CHM: variants seen among roughly 807,000 people sequenced by gnomAD.
CHM encodes rab proteins geranylgeranyltransferase component A 1.
A neutral mutation model predicts 49.0 loss-of-function variants in CHM; 10 were observed. The observed-to-expected ratio is 0.20, with a 90% confidence interval of 0.13 to 0.35. CHM has a LOEUF of 0.35. Among genes scored for constraint, CHM ranks in the 10% least tolerant of loss-of-function variants. The pLI is 1.00. For synonymous variants in CHM, 184 were observed against 167.5 expected (o/e 1.10, Z -0.76); for missense variants, 455 against 478.4 (o/e 0.95, Z 0.46).
At chrX:85,959,321 C>T (rs1217222145) in intron 5 of CHM, among the ~76,000 whole-genome samples, 1 of 111,421 alleles carries the variant, frequency 9.0e-6, no homozygotes, top group Non-Finnish European at 1.9e-5. Context: ...TCAGACCCTG[C>T]TAATAATTTA....
chrX:85,907,872 G>C (rs1297820613), intron 9 of CHM, among the ~76,000 whole-genome samples: 1 of 111,585 alleles, frequency 9.0e-6, no homozygotes, highest in Non-Finnish European at 1.9e-5. Context: ...AACCTGCCTT[G>C]GTTCTGGAGA....
At chrX:86,038,754 A>G (rs1934341060) in intron 1 of CHM, among the ~76,000 whole-genome samples, 1 of 111,880 alleles carries the variant, frequency 8.9e-6, no homozygotes, top group African/African-American at 3.3e-5. Flanking sequence ...ACCTTCATCA[A>G]AAGAAGGTTT....
At chrX:85,928,610 C>A (rs5967649) in intron 8 of CHM, among the ~76,000 whole-genome samples, 21,511 of 111,577 alleles carry the variant, frequency 0.19, 1,662 homozygotes, top group Non-Finnish European at 0.25. Flanking sequence ...AAACTGAAAA[C>A]ATAAAAGAAT....
At chrX:85,947,134 G>A (rs779849314) in intron 8 of CHM, among the ~76,000 whole-genome samples, 1 of 112,340 alleles carries the variant, frequency 8.9e-6, no homozygotes, top group African/African-American at 3.2e-5. Context: ...GTTAATGCTG[G>A]AATGAGTTAA....
At chrX:85,897,040 CAT>C (rs1364920763) in intron 11 of CHM, among the ~76,000 whole-genome samples, 5 of 90,633 alleles carry the variant, frequency 5.5e-5, no homozygotes, top group East Asian at 3.2e-4. Context: ...TATATAATAA[CAT>C]AATATATAAT....
intron 14 of CHM, among the ~76,000 whole-genome samples, chrX:85,871,304 C>CAAAAAAAAAAAAAAAAAAAA (rs150005971): frequency 1.6e-5 from 1 of 62,069 alleles, no homozygotes; most frequent in African/African-American, 7.0e-5. Flanking sequence ...AAGACTGTCT[C>CAAAAAAAAAAAAAAAAAAAA]AAAAAAAAAA....
intron 2 of CHM, among the ~76,000 whole-genome samples, chrX:85,997,264 C>T (rs188738463): frequency 3.2e-4 from 36 of 111,322 alleles, no homozygotes; most frequent in Admixed American, 2.4e-3. Flanking sequence ...TTTTGCCTTT[C>T]ATAGTACAGT....
At chrX:85,998,205 A>G (rs1004276684) in intron 2 of CHM, among the ~76,000 whole-genome samples, 9 of 111,890 alleles carry the variant, frequency 8.0e-5, no homozygotes, top group African/African-American at 2.9e-4. Flanking sequence ...TTACTAAATA[A>G]TATTCTCAAA....
At chrX:85,983,127 T>A (rs754714823) in intron 2 of CHM, among the ~76,000 whole-genome samples, 1 of 111,300 alleles carries the variant, frequency 9.0e-6, no homozygotes, top group African/African-American at 3.3e-5. Context: ...ACCAAACAAA[T>A]ACTGCTTTTC....
In CHM at chrX:85,872,922, T is replaced by C. The variant is rs1041725471; in HGVS notation, c.1770+130A>G. The C allele has an allele frequency of 8.3e-5, 48 of 577,384 alleles. 1 individual carries two copies. Among genetic ancestry groups the C allele is most frequent in the Non-Finnish European group, 1.2e-4 (44 of 368,657 alleles). The allele number at this position is 577,384 out of a possible 1,213,427, so 47.6% of individuals were successfully genotyped here. The stretch of plus-strand genomic sequence containing the variant: ...TAGCTTTGTAGGTCATAGAAAAAAC[T>C]TTTAGGGCAAATTACAGAAATGGTA... On this transcript the variant is annotated intron_variant, in intron 14 of 14. Transcript: ENST00000357749.
At chrX:86,041,751 T>C (rs79270980) in intron 1 of CHM, among the ~76,000 whole-genome samples, 3 of 75,703 alleles carry the variant, frequency 4.0e-5, no homozygotes, top group African/African-American at 9.1e-5. Context: ...TATATATATA[T>C]ATATATACAT....
intron 2 of CHM, among the ~76,000 whole-genome samples, chrX:85,997,001 C>T (rs1476613391): frequency 1.8e-5 from 2 of 111,927 alleles, no homozygotes; most frequent in African/African-American, 3.3e-5. Context: ...ATACTGAAGC[C>T]CTCAAAAGCA....
rs1473006750 is a variant in CHM, at chrX:85,904,921, A to C, written c.1245-3733T>G. Among the ~76,000 whole-genome samples, 11 of 111,911 alleles carry C rather than the reference A, an allele frequency of 9.8e-5. No homozygotes were observed. The Admixed American group carries it at 1.0e-3, about 11-fold the overall frequency. ...ATAAATACTTAATTGAAAAACAAAAATTGTATATAGTCAATGTGTATAATG... is the reference window on the plus strand; with the variant it reads ...ATAAATACTTAATTGAAAAACAAAACTTGTATATAGTCAATGTGTATAATG... On this transcript the variant is annotated intron_variant, in intron 9 of 14. Coordinates refer to ENST00000357749, the MANE Select transcript of CHM (RefSeq NM_000390.4).
intron 2 of CHM, among the ~76,000 whole-genome samples, chrX:86,000,253 C>G (rs774752926): frequency 8.4e-5 from 7 of 83,006 alleles, no homozygotes; most frequent in South Asian, 1.4e-3. Context: ...AGCTACCTAA[C>G]TAAGTAAGTC....
chrX:85,937,649 G>A, intron 8 of CHM, among the ~76,000 whole-genome samples: 1 of 109,419 alleles, frequency 9.1e-6, no homozygotes, highest in East Asian at 2.9e-4. Context: ...TGCGAGACCA[G>A]CCTGGGCAAC....
At chrX:85,956,065 G>T in intron 8 of CHM, 88 bp downstream of exon 8, 1 of 753,795 alleles carries the variant, frequency 1.3e-6, no homozygotes, top group Non-Finnish European at 2.0e-6. Flanking sequence ...ACTAAATCTT[G>T]AATAAATCTC....
intron 8 of CHM, among the ~76,000 whole-genome samples, chrX:85,941,593 T>C (rs916582002): frequency 9.0e-6 from 1 of 111,725 alleles, no homozygotes; most frequent in Non-Finnish European, 1.9e-5. Context: ...AAAAAAAGAC[T>C]ATTCAACTGA....
chrX:85,868,129 A>C, intron 14 of CHM, among the ~76,000 whole-genome samples: 1 of 110,480 alleles, frequency 9.1e-6, no homozygotes, highest in Non-Finnish European at 1.9e-5. Context: ...TGACAAGATA[A>C]ATGAACCTGG....
intron 2 of CHM, among the ~76,000 whole-genome samples, chrX:86,005,299 C>T (rs1932828935): frequency 8.9e-6 from 1 of 111,844 alleles, no homozygotes; most frequent in African/African-American, 3.3e-5. Context: ...TAAATGCCCA[C>T]AAGAGAAAGC....
Sources: allele counts gnomAD v4.1 joint callset (sites outside exome capture counted in the v4.1 genomes callset), GRCh38; gene constraint gnomAD v4.1.1; transcripts MANE v1.5; gene names NCBI Gene and HGNC (gene_info 2026-07-23, HGNC 2026-07-21).